The following RFTN1 variants were observed in gnomAD, a reference collection of about 807,000 sequenced individuals.
The protein encoded by RFTN1 is raftlin, lipid raft linker 1.
RFTN1 carries 26 observed loss-of-function variants against 46.5 expected under a neutral mutation model. The ratio of observed to expected loss-of-function variants is 0.56; its 90% CI spans 0.41 to 0.78. RFTN1 has a LOEUF of 0.78. Among genes scored for constraint, RFTN1 ranks in the 30% least tolerant of loss-of-function variants. The pLI, the probability that RFTN1 is intolerant of heterozygous loss-of-function variation, is 0.00. For missense variants in RFTN1, 693 were observed against 718.7 expected, an observed-to-expected ratio of 0.96 and a Z score of 0.41; for synonymous variants, 261 against 284.2, an observed-to-expected ratio of 0.92 and a Z score of 0.82.
In RFTN1 at chr3:16,374,241, T is replaced by C. The variant is rs2073653128; in HGVS notation, c.826+3477A>G. 6.6e-6 allele frequency among the ~76,000 whole-genome samples: 1 copy of C among 152,156 alleles called. No individual in the cohort carries two copies. Among genetic ancestry groups the C allele is most frequent in the Admixed American group, 6.5e-5 (1 of 15,282 alleles). On this transcript the variant is annotated intron_variant, in intron 5 of 9. Coordinates refer to ENST00000334133, the MANE Select transcript of RFTN1 (RefSeq NM_015150.2). The surrounding 1 kb of genome is among the most constrained non-coding windows in gnomAD (Gnocchi z 5.4). ...CCAGTAAGTGGCACAGCCAAGAGTC[T>C]TTCAAACCCCAAACCCTGGGCTCTT... is the stretch of plus-strand genomic sequence containing the variant.
At position 16,353,872 on chromosome 3, in the gene RFTN1, T is replaced by G. The variant is rs2072251484; in HGVS notation, c.1146+4060A>C. On this transcript the variant is annotated intron_variant, in intron 7 of 9. Coordinates refer to ENST00000334133, the MANE Select transcript of RFTN1 (RefSeq NM_015150.2). This position sits in a 1 kb window ranked among gnomAD's most constrained non-coding sequence, Gnocchi z 5.4. ...TCCCAGAACCTTGATCTTGGACTTTTCAGCCTCCAGAACTGAGAGGAAAGA... is the reference window on the plus strand; with the variant it reads ...TCCCAGAACCTTGATCTTGGACTTTGCAGCCTCCAGAACTGAGAGGAAAGA... Among the ~76,000 whole-genome samples, 1 of 152,184 alleles carries G rather than the reference T, an allele frequency of 6.6e-6. No homozygotes were observed. Among genetic ancestry groups the G allele is most frequent in the Non-Finnish European group, 1.5e-5 (1 of 68,034 alleles).
At chr3:16,496,866 T>G (rs1306007715) in intron 1 of RFTN1, among the ~76,000 whole-genome samples, 2 of 152,188 alleles carry the variant, frequency 1.3e-5, no homozygotes, top group African/African-American at 4.8e-5. Flanking sequence ...TTATGGTATA[T>G]TCACACAATG....
chr3:16,397,923 C>CGG (rs1559322161), intron 4 of RFTN1, among the ~76,000 whole-genome samples: 1 of 152,036 alleles, frequency 6.6e-6, no homozygotes, highest in African/African-American at 2.4e-5. Context: ...GTTTTGCACC[C>CGG]GGGACCTCTT....
intron 1 of RFTN1, among the ~76,000 whole-genome samples, chr3:16,503,246 C>A (rs965918052): frequency 6.6e-6 from 1 of 152,198 alleles, no homozygotes; most frequent in Non-Finnish European, 1.5e-5. Context: ...AGACCAGCAG[C>A]AGCATCCAGG....
intron 7 of RFTN1, among the ~76,000 whole-genome samples, chr3:16,349,025 T>A (rs2071917349): frequency 6.6e-6 from 1 of 152,214 alleles, no homozygotes; most frequent in Admixed American, 6.5e-5. Flanking sequence ...AAGTTTCAGA[T>A]CAGAAGTCAG....
Position 16,433,909 on chromosome 3 carries a change from G to T in RFTN1, c.274C>A (p.Arg92=). 6.2e-7 allele frequency: 1 copy of T among 1,614,134 alleles called. No individual in the cohort carries two copies. Among genetic ancestry groups the T allele is most frequent in the South Asian group, 1.1e-5 (1 of 91,084 alleles). Reference sequence around the variant, plus strand: ...ATGTGCTCCAGGGGCGTCTTCTCCCGCTCATGGGTGGGCTGCACGAAGGGG... The same window carrying T: ...ATGTGCTCCAGGGGCGTCTTCTCCCTCTCATGGGTGGGCTGCACGAAGGGG... ...LHPFVQPTHE[R]EKTPLEHIFR... is the part of the protein sequence containing the mutation. The change falls in exon 3 of 10, where the codon CGG becomes AGG. Residue 92 remains arginine, a synonymous_variant. Transcript: ENST00000334133. The surrounding 1 kb of genome is among the most constrained non-coding windows in gnomAD (Gnocchi z 4.4).
At chr3:16,403,771 T>C (rs2074689268) in intron 4 of RFTN1, among the ~76,000 whole-genome samples, 1 of 18,168 alleles carries the variant, frequency 5.5e-5, no homozygotes, top group Non-Finnish European at 8.4e-5. Flanking sequence ...ATATAATATA[T>C]AATATATATT....
At position 16,361,289 on chromosome 3, in the gene RFTN1, T is replaced by G. The variant is rs1575124837; in HGVS notation, c.1031-3242A>C. Among the ~76,000 whole-genome samples, 1 of 152,340 alleles carries G rather than the reference T, an allele frequency of 6.6e-6. No homozygotes were observed. The highest frequency in any genetic ancestry group is 2.4e-5 in the African/African-American group (1 of 41,578). On this transcript the variant is annotated intron_variant, in intron 6 of 9. Coordinates refer to ENST00000334133, the MANE Select transcript of RFTN1 (RefSeq NM_015150.2). The surrounding 1 kb of genome is among the most constrained non-coding windows in gnomAD (Gnocchi z 4.3). ...TGAATAACCTTCCAGCCATTCATTA[T>G]GACACCTACTGGGAATCTATTATGT...
rs2074638354 is a variant in RFTN1, at chr3:16,402,827, G to T, written c.441+6548C>A. 6.6e-6 allele frequency among the ~76,000 whole-genome samples: 1 copy of T among 152,140 alleles called. No homozygotes were observed. Among genetic ancestry groups the T allele is most frequent in the Non-Finnish European group, 1.5e-5 (1 of 68,022 alleles). Reference sequence around the variant, plus strand: ...CCAGGACAGTACACTCATTGAGTGGGACCAGCCGCCCCTCAACGGTCTTCA... The same window carrying T: ...CCAGGACAGTACACTCATTGAGTGGTACCAGCCGCCCCTCAACGGTCTTCA... On this transcript the variant is annotated intron_variant, in intron 4 of 9. Coordinates refer to ENST00000334133, the MANE Select transcript of RFTN1 (RefSeq NM_015150.2). This position sits in a 1 kb window ranked among gnomAD's most constrained non-coding sequence, Gnocchi z 4.5.
chr3:16,322,809 G>C lies in RFTN1; in HGVS notation c.1332+567C>G, dbSNP rs777619193. Among the ~76,000 whole-genome samples the C allele has an allele frequency of 3.9e-5, 6 of 152,094 alleles. No individual in the cohort carries two copies. The highest frequency in any genetic ancestry group is 6.5e-5 in the Admixed American group (1 of 15,286). ...TCCGGAGAGGGGGAAAAGGGCCCTGGGGATCTCTTGAGGACAGCCTGGCCT... is the reference window on the plus strand; with the variant it reads ...TCCGGAGAGGGGGAAAAGGGCCCTGCGGATCTCTTGAGGACAGCCTGGCCT... On this transcript the variant is annotated intron_variant, in intron 9 of 9. Transcript: ENST00000334133. This position sits in a 1 kb window ranked among gnomAD's most constrained non-coding sequence, Gnocchi z 6.2.
rs897361300 is a variant in RFTN1, at chr3:16,376,494, C to T, written c.826+1224G>A. Among the ~76,000 whole-genome samples, 2 of 152,148 alleles carry T rather than the reference C, an allele frequency of 1.3e-5. No individual in the cohort carries two copies. Among genetic ancestry groups the T allele is most frequent in the African/African-American group, 2.4e-5 (1 of 41,436 alleles). On this transcript the variant is annotated intron_variant, in intron 5 of 9. Coordinates refer to ENST00000334133, the MANE Select transcript of RFTN1 (RefSeq NM_015150.2). The surrounding 1 kb of genome is among the most constrained non-coding windows in gnomAD (Gnocchi z 4.7). The stretch of plus-strand genomic sequence containing the variant: ...CAGGATTCAGAGCACACACATCCAG[C>T]CCAGCCTCCATGAGAAGATGGAGGT...
chr3:16,316,969 C>A lies in RFTN1; in HGVS notation c.1596G>T (p.Glu532Asp), dbSNP rs759115332. Residue 532 changes from glutamate (E) to aspartate (D), a missense_variant, in exon 10 of 10, where the codon GAG becomes GAT. Glu to Asp is a conservative substitution (Grantham distance 45). Coordinates refer to ENST00000334133, the MANE Select transcript of RFTN1 (RefSeq NM_015150.2). The surrounding 1 kb of genome is among the most constrained non-coding windows in gnomAD (Gnocchi z 4.5). ...CAGGACCATTCTGCACAGCCTCACC[C>A]TCCACACCCACCCCACACAGCAGGC... The part of the protein sequence containing the change: ...PGGLLCGVGV[E>D]GEAVQNGPAS... 1 of 1,614,062 alleles carries A rather than the reference C, an allele frequency of 6.2e-7. No individual in the cohort carries two copies. Among genetic ancestry groups the A allele is most frequent in the Non-Finnish European group, 8.5e-7 (1 of 1,180,024 alleles).
Position 16,435,255 on chromosome 3 carries a change from A to G in RFTN1, c.146-1218T>C, listed in dbSNP as rs541923744. Among the ~76,000 whole-genome samples, 4 of 152,314 alleles carry G rather than the reference A, an allele frequency of 2.6e-5. No individual in the cohort carries two copies. In the South Asian group the frequency reaches 8.3e-4, roughly 32 times the overall value. On this transcript the variant is annotated intron_variant, in intron 2 of 9. Coordinates refer to ENST00000334133, the MANE Select transcript of RFTN1 (RefSeq NM_015150.2). ...AACATTACACACCTAGCTTTTTAGA[A>G]TCAATTTTTATCAATTAACAGTATA...
intron 4 of RFTN1, among the ~76,000 whole-genome samples, chr3:16,393,833 G>A (rs496611): frequency 0.36 from 54,418 of 151,600 alleles, 11,300 homozygotes; most frequent in Non-Finnish European, 0.44. Context: ...TAATTTTTTT[G>A]TATTTTTAGT....
chr3:16,448,055 A>G lies in RFTN1; in HGVS notation c.146-14018T>C, dbSNP rs2075763439. Among the ~76,000 whole-genome samples the G allele has an allele frequency of 1.3e-5, 2 of 152,024 alleles. No homozygotes were observed. The highest frequency in any genetic ancestry group is 4.2e-4 in the South Asian group (2 of 4,802). On this transcript the variant is annotated intron_variant, in intron 2 of 9. Transcript: ENST00000334133. This position sits in a 1 kb window ranked among gnomAD's most constrained non-coding sequence, Gnocchi z 4.1. ...CACATGTGGCTATCGAGCATCTGAA[A>G]TGTGGCCAGTGTGATTGAGATGTGC...
rs1490060656 is a variant in RFTN1, at chr3:16,371,320, T to C, written c.827-1041A>G. 2.6e-5 allele frequency among the ~76,000 whole-genome samples: 4 copies of C among 152,250 alleles called. No individual in the cohort carries two copies. In the East Asian group the frequency reaches 7.7e-4, roughly 29 times the overall value. ...GACCCACACTCTCTGATGCTGTTTC[T>C]CAGATTTCAGTATCTCACAATGTTT... is the stretch of plus-strand genomic sequence containing the variant. On this transcript the variant is annotated intron_variant, in intron 5 of 9. Transcript: ENST00000334133.
chr3:16,454,738 A>C, intron 2 of RFTN1: 1 of 984,618 alleles, frequency 1.0e-6, no homozygotes, highest in South Asian at 4.7e-5. Flanking sequence ...CTATACACCA[A>C]GGCCTCCCTC....
chr3:16,389,412 A>T (rs1346794753), intron 4 of RFTN1, among the ~76,000 whole-genome samples: 2 of 152,246 alleles, frequency 1.3e-5, no homozygotes, highest in Non-Finnish European at 2.9e-5. Context: ...TTTTTCTGGA[A>T]GATGGAAATG....
In RFTN1 at chr3:16,336,531, T is replaced by C. The variant is rs1046029728; in HGVS notation, c.1147-9655A>G. Reference sequence around the variant, plus strand: ...CGCTGGCCGGCTAGAGATGTTGTTTTCTCCTTTGTTTTATGCACAATGCCC... The same window carrying C: ...CGCTGGCCGGCTAGAGATGTTGTTTCCTCCTTTGTTTTATGCACAATGCCC... On this transcript the variant is annotated intron_variant, in intron 7 of 9. Transcript: ENST00000334133. The surrounding 1 kb of genome is among the most constrained non-coding windows in gnomAD (Gnocchi z 6.0). Among the ~76,000 whole-genome samples, 9 of 152,214 alleles carry C rather than the reference T, an allele frequency of 5.9e-5. No homozygotes were observed. Among genetic ancestry groups the C allele is most frequent in the African/African-American group, 2.2e-4 (9 of 41,450 alleles).
Sources: allele counts gnomAD v4.1 joint callset (sites outside exome capture counted in the v4.1 genomes callset), GRCh38; gene constraint gnomAD v4.1.1; non-coding constraint Gnocchi (gnomAD v3.1); transcripts MANE v1.5; gene names NCBI Gene and HGNC (gene_info 2026-07-23, HGNC 2026-07-21).